Variants in CELSR1 observed in about 807,000 individuals in gnomAD.
The protein encoded by CELSR1 is cadherin EGF LAG seven-pass G-type receptor 1.
CELSR1 carries 110 observed loss-of-function variants against 249.1 expected under a neutral mutation model. The ratio of observed to expected loss-of-function variants is 0.44; its 90% CI spans 0.38 to 0.52. The LOEUF (loss-of-function observed/expected upper bound fraction) is 0.52, where lower values mean the gene tolerates loss of function less well. Among genes scored for constraint, CELSR1 ranks in the 20% least tolerant of loss-of-function variants. CELSR1 has a pLI of 0.00. For synonymous variants in CELSR1, 2,113 were observed against 1,900.0 expected, an observed-to-expected ratio of 1.11 and a Z score of -2.92; for missense variants, 4,109 against 4,296.4, an observed-to-expected ratio of 0.96 and a Z score of 1.22.
rs140882399 is a variant in CELSR1, at chr22:46,507,620, G to A, written c.3544+26007C>T. ...GTGCACCCCTCAGTGCAGGGGCCCC[G>A]CTGTGACCCGCCTCCTCCTCCTGCC... On this transcript the variant is annotated intron_variant, in intron 1 of 34. Coordinates refer to ENST00000674500, the MANE Select transcript of CELSR1 (RefSeq NM_001378328.1). Among the ~76,000 whole-genome samples the A allele has an allele frequency of 1.3e-3, 205 of 152,148 alleles. 3 individuals carry two copies. The East Asian group carries it at 0.03, about 22-fold the overall frequency.
In CELSR1 at chr22:46,401,001, A is replaced by G. The variant is rs577693162; in HGVS notation, c.5227-1099T>C. 3.9e-5 allele frequency among the ~76,000 whole-genome samples: 6 copies of G among 152,186 alleles called. No individual in the cohort carries two copies. Among genetic ancestry groups the G allele is most frequent in the African/African-American group, 1.4e-4 (6 of 41,518 alleles). ...GTTGTTCTTTGTTGCTGTTGCCTTT[A>G]ACACTGATCAGAATTGCTTGTCTTA... On this transcript the variant is annotated intron_variant, in intron 9 of 34. Coordinates refer to ENST00000674500, the MANE Select transcript of CELSR1 (RefSeq NM_001378328.1). The surrounding 1 kb of genome is among the most constrained non-coding windows in gnomAD (Gnocchi z 4.7).
Position 46,536,863 on chromosome 22 carries a change from C to T in CELSR1, c.308G>A (p.Arg103His), listed in dbSNP as rs1262071902. The change falls in exon 1 of 35, where the codon CGC becomes CAC. Residue 103 changes from arginine (R) to histidine (H), a missense_variant. Around this residue, in one of 7 missense-constraint regions of CELSR1, gnomAD observed 673 missense variants for 636.8 expected, o/e 1.06. Transcript: ENST00000674500. ...VARSAPTALS[R>H]RLRARTHLPG... ...AAGGTGCGTGCGCGCCCGCAGGCGG[C>T]GGCTCAGCGCCGTCGGGGCACTGCG... The T allele has an allele frequency of 8.1e-7, 1 of 1,229,652 alleles. No homozygotes were observed. Among genetic ancestry groups the T allele is most frequent in the Non-Finnish European group, 1.0e-6 (1 of 981,484 alleles). 76.2% of individuals were successfully genotyped at this position (1,229,652 alleles called of 1,614,324 possible).
chr22:46,398,460 C>T lies in CELSR1; in HGVS notation c.5526+64G>A. 8.4e-7 allele frequency: 1 copy of T among 1,193,882 alleles called. No homozygotes were observed. Among genetic ancestry groups the T allele is most frequent in the Non-Finnish European group, 1.2e-6 (1 of 835,028 alleles). The allele number at this position is 1,193,882 out of a possible 1,614,324, so 74.0% of individuals were successfully genotyped here. A position where few individuals can be genotyped will look rare whatever the true frequency, so the allele number is the denominator to read the frequency against. ...TTGACCAACGGAACCACCTATGGTG[C>T]TGCCAGCCTCGGAGCTGCCTGTGAG... On this transcript the variant is annotated intron_variant, in intron 11 of 34. Transcript: ENST00000674500. The surrounding 1 kb of genome is among the most constrained non-coding windows in gnomAD (Gnocchi z 7.2).
chr22:46,467,272 C>G (rs1329949867), intron 1 of CELSR1, among the ~76,000 whole-genome samples: 1 of 152,104 alleles, frequency 6.6e-6, no homozygotes, highest in African/African-American at 2.4e-5. Context: ...CATTCAGCGA[C>G]CCTAAGCTTG....
Position 46,364,492 on chromosome 22 carries a change from GC to G in CELSR1, c.8779+19del. On this transcript the variant is annotated intron_variant, in intron 33 of 34. Coordinates refer to ENST00000674500, the MANE Select transcript of CELSR1 (RefSeq NM_001378328.1). ...CTGGGTCCTCCAGCCTTTCACTGCAGCCCCGGCCTCCCCAGGCACCTTTCCT... is the reference window on the plus strand; with the variant it reads ...CTGGGTCCTCCAGCCTTTCACTGCAGCCCGGCCTCCCCAGGCACCTTTCCT... 2 of 1,599,016 alleles carry G rather than the reference GC, an allele frequency of 1.3e-6. No homozygotes were observed.
intron 2 of CELSR1, among the ~76,000 whole-genome samples, chr22:46,453,755 G>A (rs1034710151): frequency 3.3e-5 from 5 of 152,296 alleles, no homozygotes; most frequent in Non-Finnish European, 7.4e-5. Context: ...CAGCAGCCCT[G>A]GGTCCAGATC....
chr22:46,380,979 G>T lies in CELSR1; in HGVS notation c.7089-24C>A, dbSNP rs1371740380. ...ACCTGAGGTCAAGAAGCCAGAGCAT[G>T]GGGACAAACACGGTGAGGAAACATC... is the stretch of plus-strand genomic sequence containing the variant. On this transcript the variant is annotated intron_variant, in intron 21 of 34. Coordinates refer to ENST00000674500, the MANE Select transcript of CELSR1 (RefSeq NM_001378328.1). This position sits in a 1 kb window ranked among gnomAD's most constrained non-coding sequence, Gnocchi z 5.1. 1 of 1,607,410 alleles carries T rather than the reference G, an allele frequency of 6.2e-7. No individual in the cohort carries two copies. Among genetic ancestry groups the T allele is most frequent in the South Asian group, 1.1e-5 (1 of 90,892 alleles).
intron 29 of CELSR1, 37 bp downstream of exon 29, chr22:46,366,956 C>A (rs778278112): frequency 9.4e-6 from 15 of 1,592,086 alleles, no homozygotes; most frequent in Admixed American, 5.1e-5. Flanking sequence ...AGATGCCGCC[C>A]AGCCCCCAGT....
chr22:46,365,368 T>A lies in CELSR1; in HGVS notation c.8417A>T (p.Asp2806Val), dbSNP rs750027382. The change falls in exon 32 of 35, where the codon GAC (aspartate) becomes GTC (valine). Residue 2806 changes from aspartate (D) to valine (V), a missense_variant. Asp to Val is a radical substitution (Grantham distance 152, BLOSUM62 -3). Around this residue, in one of 7 missense-constraint regions of CELSR1, gnomAD observed 1,805 missense variants for 1,831.6 expected, o/e 0.99. Transcript: ENST00000674500. Reference protein sequence around the residue: ...SCKDPPGHDSDSDSELSLDEQ... With the variant: ...SCKDPPGHDSVSDSELSLDEQ... ...ATCCAGGGACAGCTCGCTATCTGAG[T>A]CGGAATCGTGGCCTGTGGATGCGCG... 1 of 1,612,624 alleles carries A rather than the reference T, an allele frequency of 6.2e-7. No homozygotes were observed. The highest frequency in any genetic ancestry group is 8.5e-7 in the Non-Finnish European group (1 of 1,179,884).
rs746640668 is a variant in CELSR1 at position 46,413,247 on chromosome 22, C to T, written c.4612-1488G>A. ...ATAGGAACAAAGTATCTATTTTGAT[C>T]AGGGAAACGAGGCTGAAAAGCAGGA... On this transcript the variant is annotated intron_variant, in intron 5 of 34. Transcript: ENST00000674500. This position sits in a 1 kb window ranked among gnomAD's most constrained non-coding sequence, Gnocchi z 4.7. 5.9e-5 allele frequency among the ~76,000 whole-genome samples: 9 copies of T among 152,206 alleles called. No individual in the cohort carries two copies. The highest frequency in any genetic ancestry group is 1.2e-4 in the Non-Finnish European group (8 of 68,034).
rs541724089 is a variant in CELSR1 at position 46,518,547 on chromosome 22, C to T, written c.3544+15080G>A. On this transcript the variant is annotated intron_variant, in intron 1 of 34. Transcript: ENST00000674500. This position sits in a 1 kb window ranked among gnomAD's most constrained non-coding sequence, Gnocchi z 5.2. ...GAAGGCAGGCGTGGCAGTGGGTTCA[C>T]TACCCTGCCCCAATGCCCAGTACCT... Among the ~76,000 whole-genome samples, 37 of 152,244 alleles carry T rather than the reference C, an allele frequency of 2.4e-4. No individual in the cohort carries two copies. The highest frequency in any genetic ancestry group is 4.1e-4 in the South Asian group (2 of 4,832).
intron 1 of CELSR1, among the ~76,000 whole-genome samples, 178 bp downstream of exon 1, chr22:46,533,449 G>A (rs911538929): frequency 2.0e-5 from 3 of 152,210 alleles, no homozygotes; most frequent in Non-Finnish European, 4.4e-5. Flanking sequence ...TCTCCCCCTC[G>A]CTGGGCCTAG....
At chr22:46,392,190 C>T (rs1005561319) in intron 14 of CELSR1, among the ~76,000 whole-genome samples, 4 of 152,382 alleles carry the variant, frequency 2.6e-5, no homozygotes, top group South Asian at 2.1e-4. Flanking sequence ...GCCACCTGAA[C>T]GTCCACCATT....
chr22:46,377,334 G>T, intron 23 of CELSR1, 73 bp from the exon 24 acceptor site: 1 of 1,463,860 alleles, frequency 6.8e-7, no homozygotes, highest in Non-Finnish European at 9.4e-7. Context: ...GCATAACAGA[G>T]ATAAATTACA....
chr22:46,435,651 C>A (rs748034088), intron 4 of CELSR1, among the ~76,000 whole-genome samples: 1 of 152,074 alleles, frequency 6.6e-6, no homozygotes, highest in African/African-American at 2.4e-5. Context: ...AAACATGAAC[C>A]AGATCGTCCA....
At chr22:46,369,553 T>C (rs2078827422) in intron 26 of CELSR1, 139 bp downstream of exon 26, 5 of 726,354 alleles carry the variant, frequency 6.9e-6, no homozygotes. Context: ...CCTGGCGGCT[T>C]TGCTGACTGT....
Position 46,472,689 on chromosome 22 carries a change from T to C in CELSR1, c.3545-8344A>G, listed in dbSNP as rs2080168054. Among the ~76,000 whole-genome samples the C allele has an allele frequency of 6.6e-6, 1 of 152,168 alleles. No homozygotes were observed. The highest frequency in any genetic ancestry group is 1.5e-5 in the Non-Finnish European group (1 of 68,010). The stretch of plus-strand genomic sequence containing the variant: ...TCACCAATACAGGACATTCACTCTC[T>C]CCGTTTTGGAGGCCAGGGATCTGAA... On this transcript the variant is annotated intron_variant, in intron 1 of 34. Transcript: ENST00000674500. The surrounding 1 kb of genome is among the most constrained non-coding windows in gnomAD (Gnocchi z 7.0).
intron 2 of CELSR1, among the ~76,000 whole-genome samples, chr22:46,449,637 A>G (rs189995938): frequency 6.8e-4 from 104 of 152,330 alleles, no homozygotes; most frequent in Middle Eastern, 3.4e-3. Context: ...CCCTGCCCTC[A>G]TGGAGTTTCC....
chr22:46,537,154 G>A lies in CELSR1; in HGVS notation c.17C>T (p.Pro6Leu), dbSNP rs2080868194. 3.9e-6 allele frequency: 4 copies of A among 1,021,830 alleles called. No individual in the cohort carries two copies. Among genetic ancestry groups the A allele is most frequent in the Non-Finnish European group, 4.7e-6 (4 of 857,866 alleles). 63.3% of individuals were successfully genotyped at this position (1,021,830 alleles called of 1,614,324 possible). Residue 6 changes from proline to leucine, a missense_variant, in exon 1 of 35, where the codon CCG becomes CTG. Coordinates refer to ENST00000674500, the MANE Select transcript of CELSR1 (RefSeq NM_001378328.1). The surrounding 1 kb of genome is among the most constrained non-coding windows in gnomAD (Gnocchi z 5.8). MAPPP[P>L]PVLPVLLLLA... ...GAGCAGCAGCACGGGCAGCACGGGC[G>A]GCGGCGGCGGCGCCATGGCCCGGAG...
Sources: allele counts gnomAD v4.1 joint callset (sites outside exome capture counted in the v4.1 genomes callset), GRCh38; gene constraint gnomAD v4.1.1; regional missense constraint gnomAD v4.1.1; non-coding constraint Gnocchi (gnomAD v3.1); transcripts MANE v1.5; gene names NCBI Gene and HGNC (gene_info 2026-07-23, HGNC 2026-07-21).